Variants in PCDHGB3 observed in about 807,000 individuals in gnomAD.
PCDHGB3 encodes the protein protocadherin gamma subfamily B, 3.
A neutral mutation model predicts 59.2 loss-of-function variants in PCDHGB3; 40 were observed. The ratio of observed to expected loss-of-function variants is 0.68; its 90% CI spans 0.52 to 0.88. The LOEUF (loss-of-function observed/expected upper bound fraction) is 0.88, where lower values mean the gene tolerates loss of function less well. Among genes scored for constraint, PCDHGB3 ranks in the 40% least tolerant of loss-of-function variants. The pLI is 0.00. For synonymous variants in PCDHGB3, 581 were observed against 503.6 expected, an observed-to-expected ratio of 1.15 and a Z score of -2.06; for missense variants, 1,309 against 1,187.9, an observed-to-expected ratio of 1.10 and a Z score of -1.50.
In PCDHGB3 at chr5:141,486,341, C is replaced by T; in HGVS notation, c.2416-8466C>T. On this transcript the variant is annotated intron_variant, in intron 1 of 3. Coordinates refer to ENST00000576222, the MANE Select transcript of PCDHGB3 (RefSeq NM_018924.5). The surrounding 1 kb of genome is among the most constrained non-coding windows in gnomAD (Gnocchi z 5.0). ...AAACGGAGATGTGAGCCTCCGCATTCCTGACCACTTGCCATTTGCCCTCAA... is the reference window on the plus strand; with the variant it reads ...AAACGGAGATGTGAGCCTCCGCATTTCTGACCACTTGCCATTTGCCCTCAA... The T allele has an allele frequency of 6.2e-7, 1 of 1,614,128 alleles. No individual in the cohort carries two copies. Among genetic ancestry groups the T allele is most frequent in the Non-Finnish European group, 8.5e-7 (1 of 1,179,992 alleles).
chr5:141,485,193 G>T lies in PCDHGB3; in HGVS notation c.2416-9614G>T. The T allele has an allele frequency of 6.2e-7, 1 of 1,613,988 alleles. No homozygotes were observed. Among genetic ancestry groups the T allele is most frequent in the Non-Finnish European group, 8.5e-7 (1 of 1,179,852 alleles). The stretch of plus-strand genomic sequence containing the variant: ...GCAGCAATGCTCCGCAAGGTGAGAA[G>T]CTGGACAGAAATCTGGCGGTGGGCT... On this transcript the variant is annotated intron_variant, in intron 1 of 3. Transcript: ENST00000576222. The surrounding 1 kb of genome is among the most constrained non-coding windows in gnomAD (Gnocchi z 5.7).
At position 141,413,553 on chromosome 5, in the gene PCDHGB3, A is replaced by G; in HGVS notation, c.2415+40744A>G. On this transcript the variant is annotated intron_variant, in intron 1 of 3. Coordinates refer to ENST00000576222, the MANE Select transcript of PCDHGB3 (RefSeq NM_018924.5). ...TGAAACTTTTTGGGATAGAAATAGA[A>G]GTAACTGATATCAATGACAATGCTC... The G allele has an allele frequency of 6.2e-7, 1 of 1,613,938 alleles. No individual in the cohort carries two copies. Among genetic ancestry groups the G allele is most frequent in the Non-Finnish European group, 8.5e-7 (1 of 1,179,902 alleles).
rs2154586748 is a variant in PCDHGB3 at position 141,491,733 on chromosome 5, T to A, written c.2416-3074T>A. The A allele has an allele frequency of 6.2e-7, 1 of 1,602,698 alleles. No individual in the cohort carries two copies. Among genetic ancestry groups the A allele is most frequent in the Non-Finnish European group, 8.5e-7 (1 of 1,175,258 alleles). On this transcript the variant is annotated intron_variant, in intron 1 of 3. Transcript: ENST00000576222. The surrounding 1 kb of genome is among the most constrained non-coding windows in gnomAD (Gnocchi z 6.9). ...GCTCGGCGCCGCCCCGGGCGACCCC[T>A]GGGGGCGGCACTGGAGAAGCCGCCC...
chr5:141,486,012 A>C lies in PCDHGB3; in HGVS notation c.2416-8795A>C. The C allele has an allele frequency of 1.9e-6, 3 of 1,614,064 alleles. No homozygotes were observed. The highest frequency in any genetic ancestry group is 2.5e-6 in the Non-Finnish European group (3 of 1,179,984). On this transcript the variant is annotated intron_variant, in intron 1 of 3. Coordinates refer to ENST00000576222, the MANE Select transcript of PCDHGB3 (RefSeq NM_018924.5). The surrounding 1 kb of genome is among the most constrained non-coding windows in gnomAD (Gnocchi z 5.0). ...GGTCCCAGTGGTAACGTCACCTTTT[A>C]TTTCAGTGGTCATACCCCTGATCGT...
Position 141,490,748 on chromosome 5 carries a change from C to A in PCDHGB3, c.2416-4059C>A. 3.1e-6 allele frequency: 5 copies of A among 1,614,168 alleles called. No individual in the cohort carries two copies. Among genetic ancestry groups the A allele is most frequent in the Non-Finnish European group, 3.4e-6 (4 of 1,180,006 alleles). ...GGAAATCAGGTTCAGGGAGCCCCAGCCTCCTCCTTTGTGTATGTCAACCCA... is the reference window on the plus strand; with the variant it reads ...GGAAATCAGGTTCAGGGAGCCCCAGACTCCTCCTTTGTGTATGTCAACCCA... On this transcript the variant is annotated intron_variant, in intron 1 of 3. Transcript: ENST00000576222. This position sits in a 1 kb window ranked among gnomAD's most constrained non-coding sequence, Gnocchi z 5.4.
At chr5:141,402,912 G>T (rs373067478) in intron 1 of PCDHGB3, 319 of 1,553,994 alleles carry the variant, frequency 2.1e-4, no homozygotes, top group East Asian at 2.5e-4. Flanking sequence ...GAAGCAGCGC[G>T]CACAGAGATC....
chr5:141,415,585 C>G (rs1589974529), intron 1 of PCDHGB3: 5 of 1,613,900 alleles, frequency 3.1e-6, no homozygotes, highest in Non-Finnish European at 3.4e-6. Context: ...TTCGAAGTTT[C>G]CTATAGAGGA....
chr5:141,408,773 T>C, intron 1 of PCDHGB3: 1 of 1,611,652 alleles, frequency 6.2e-7, no homozygotes, highest in Non-Finnish European at 8.5e-7. Flanking sequence ...TGGTGGCAAA[T>C]ACCCAGAGTT....
chr5:141,485,134 C>T lies in PCDHGB3; in HGVS notation c.2416-9673C>T. The T allele has an allele frequency of 6.7e-7, 1 of 1,495,958 alleles. No homozygotes were observed. The highest frequency in any genetic ancestry group is 1.4e-5 in the African/African-American group (1 of 72,714). 92.7% of individuals were successfully genotyped at this position (1,495,958 alleles called of 1,614,324 possible). On this transcript the variant is annotated intron_variant, in intron 1 of 3. Transcript: ENST00000576222. The surrounding 1 kb of genome is among the most constrained non-coding windows in gnomAD (Gnocchi z 5.7). Reference sequence around the variant, plus strand: ...CTGTTTGGGGCGGGTCGGCTTCATCCGCGTCTCAGGAGCAAGTAGAGAATT... The same window carrying T: ...CTGTTTGGGGCGGGTCGGCTTCATCTGCGTCTCAGGAGCAAGTAGAGAATT...
At chr5:141,385,426 T>G (rs1781187652) in intron 1 of PCDHGB3, 1 of 1,460,770 alleles carries the variant, frequency 6.8e-7, no homozygotes. Flanking sequence ...TTAAAAAACT[T>G]TATAGAGGTA....
At chr5:141,374,459 A>T (rs764751595) in intron 1 of PCDHGB3, 1 of 1,613,448 alleles carries the variant, frequency 6.2e-7, no homozygotes, top group South Asian at 1.1e-5. Context: ...AATAGTGGAC[A>T]TTAATGACAA....
At chr5:141,416,717 A>G (rs1227713508) in intron 1 of PCDHGB3, 1 of 152,256 alleles carries the variant, frequency 6.6e-6, no homozygotes, top group Admixed American at 6.5e-5. Flanking sequence ...GGTACTGATG[A>G]GTTCATTTAG....
intron 1 of PCDHGB3, chr5:141,423,752 G>T: frequency 6.2e-6 from 4 of 644,948 alleles, no homozygotes; most frequent in Non-Finnish European, 7.8e-6. Context: ...AAACTGTTTG[G>T]GGGGGGGGTG....
Position 141,490,943 on chromosome 5 carries a change from G to A in PCDHGB3, c.2416-3864G>A, listed in dbSNP as rs1035375216. The A allele has an allele frequency of 6.8e-6, 11 of 1,613,470 alleles. No homozygotes were observed. The East Asian group carries it at 1.1e-4, about 16-fold the overall frequency. On this transcript the variant is annotated intron_variant, in intron 1 of 3. Coordinates refer to ENST00000576222, the MANE Select transcript of PCDHGB3 (RefSeq NM_018924.5). This position sits in a 1 kb window ranked among gnomAD's most constrained non-coding sequence, Gnocchi z 5.4. Reference sequence around the variant, plus strand: ...AATGCCCCAGCTGTGCTGCACCCACGGCCAGACTGGGAACACTCAGCCCCC... The same window carrying A: ...AATGCCCCAGCTGTGCTGCACCCACAGCCAGACTGGGAACACTCAGCCCCC...
intron 1 of PCDHGB3, among the ~76,000 whole-genome samples, chr5:141,458,201 T>C (rs973995736): frequency 6.6e-6 from 1 of 152,168 alleles, no homozygotes; most frequent in African/African-American, 2.4e-5. Context: ...AGGCCATAAA[T>C]AGTTTAAAAT....
intron 1 of PCDHGB3, chr5:141,383,127 C>T (rs1778840587): frequency 3.7e-6 from 6 of 1,614,054 alleles, no homozygotes; most frequent in Non-Finnish European, 4.2e-6. Flanking sequence ...AGCTTTTCGC[C>T]CTGAACCAGC....
chr5:141,408,446 G>C (rs371079756), intron 1 of PCDHGB3: 180 of 1,613,946 alleles, frequency 1.1e-4, no homozygotes, highest in Non-Finnish European at 1.5e-4. Context: ...CGCGGAGAGC[G>C]GGGACTTACT....
At chr5:141,374,087 G>C (rs1358918796) in intron 1 of PCDHGB3, 3 of 1,529,296 alleles carry the variant, frequency 2.0e-6, no homozygotes, top group Non-Finnish European at 2.6e-6. Context: ...GCCAGTAATG[G>C]CGCCTCCGCA....
chr5:141,501,288 TATACACAC>T (rs1482707793), intron 2 of PCDHGB3, among the ~76,000 whole-genome samples: 1 of 81,228 alleles, frequency 1.2e-5, no homozygotes, highest in African/African-American at 4.9e-5. Flanking sequence ...GATATTCCCT[TATACACAC>T]ACACACACAC....
Sources: gnomAD v4.1 joint callset for allele counts (sites outside exome capture counted in the v4.1 genomes callset) on GRCh38, gnomAD v4.1.1 for gene constraint, Gnocchi (gnomAD v3.1) non-coding constraint, MANE v1.5 for transcripts, NCBI Gene and HGNC (gene_info 2026-07-23, HGNC 2026-07-21) for gene names.